PARD3: variants seen among roughly 807,000 people sequenced by gnomAD.
PARD3 encodes the protein par-3 family cell polarity regulator.
Under a neutral mutation model 155.4 loss-of-function variants are expected in PARD3, and 75 were observed. That is an observed-to-expected ratio of 0.48 (90% confidence interval 0.40 to 0.58). The LOEUF is 0.58. Ranked by LOEUF, PARD3 falls within the 20% of genes least tolerant of loss-of-function variation. The probability of loss-of-function intolerance (pLI) is 0.00; values close to 1 mark genes in which losing one functional copy is unlikely to be tolerated. For missense variants in PARD3, 1,642 were observed against 1,721.7 expected (o/e 0.95, Z 0.82); for synonymous variants, 576 against 610.5 (o/e 0.94, Z 0.83).
At chr10:34,671,276 T>G (rs547306061) in intron 2 of PARD3, among the ~76,000 whole-genome samples, 4 of 152,300 alleles carry the variant, frequency 2.6e-5, no homozygotes, top group African/African-American at 7.2e-5. Context: ...AAGAAACAGG[T>G]TTGAGTCAGG....
intron 1 of PARD3, among the ~76,000 whole-genome samples, chr10:34,714,775 A>ATTT (rs35679032): frequency 0.012 from 1,800 of 144,366 alleles, 18 homozygotes; most frequent in Middle Eastern, 0.036. Context: ...ACACATCAAA[A>ATTT]TTTTTTTTTT....
chr10:34,782,305 C>A (rs1412082017), intron 1 of PARD3, among the ~76,000 whole-genome samples: 1 of 152,136 alleles, frequency 6.6e-6, no homozygotes, highest in Non-Finnish European at 1.5e-5. Flanking sequence ...AGGCAGAATC[C>A]AGCCTCCTCC....
rs566366255 is a variant in PARD3 at position 34,450,255 on chromosome 10, T to A, written c.714+62A>T. 51 of 1,475,726 alleles carry A rather than the reference T, an allele frequency of 3.5e-5. No homozygotes were observed. In the Admixed American group the frequency reaches 8.0e-4, roughly 23 times the overall value. 91.4% of individuals were successfully genotyped at this position (1,475,726 alleles called of 1,614,324 possible). On this transcript the variant is annotated intron_variant, in intron 5 of 24. Coordinates refer to ENST00000374788, the MANE Select transcript of PARD3 (RefSeq NM_001184785.2). ...ACCAGTGATTGAGATGGGAGAAACA[T>A]CTTTGGGGTATGGGACAGGATGTTA...
intron 1 of PARD3, among the ~76,000 whole-genome samples, chr10:34,779,335 C>T (rs1319201227): frequency 3.3e-5 from 5 of 150,596 alleles, no homozygotes; most frequent in African/African-American, 4.9e-5. Flanking sequence ...AGCAGCCGGG[C>T]GCGGTGGCTC....
At chr10:34,333,623 C>A (rs1262735074) in intron 18 of PARD3, among the ~76,000 whole-genome samples, 15 of 151,968 alleles carry the variant, frequency 9.9e-5, no homozygotes, top group Admixed American at 9.2e-4. Context: ...AACTTCTGAA[C>A]CTGTAACACA....
intron 22 of PARD3, among the ~76,000 whole-genome samples, chr10:34,205,567 G>T (rs56714369): frequency 2.2e-4 from 33 of 152,266 alleles, no homozygotes; most frequent in Admixed American, 2.2e-3. Context: ...ATGGCAAGCA[G>T]AGGGACTTGA....
intron 2 of PARD3, among the ~76,000 whole-genome samples, chr10:34,691,194 CCA>C (rs1166434968): frequency 3.9e-5 from 6 of 152,274 alleles, no homozygotes; most frequent in East Asian, 1.9e-4. Flanking sequence ...CTAGAAAACC[CCA>C]CAGTCTCTGC....
Position 34,665,946 on chromosome 10 carries a change from G to A in PARD3, c.222+30372C>T, listed in dbSNP as rs772719070. ...GAAAAGATTAGATTCTAGGCCAGGC[G>A]TTCACACCTATAATTCTAGCACCAC... On this transcript the variant is annotated intron_variant, in intron 2 of 24. Coordinates refer to ENST00000374788, the MANE Select transcript of PARD3 (RefSeq NM_001184785.2). Among the ~76,000 whole-genome samples, 4 of 149,488 alleles carry A rather than the reference G, an allele frequency of 2.7e-5. No individual in the cohort carries two copies. The East Asian group carries it at 5.8e-4, about 22-fold the overall frequency.
At chr10:34,174,076 T>G (rs941460474) in intron 22 of PARD3, among the ~76,000 whole-genome samples, 1 of 152,194 alleles carries the variant, frequency 6.6e-6, no homozygotes, top group Non-Finnish European at 1.5e-5. Context: ...GACTGGTGGA[T>G]GGACCGTTAA....
intron 14 of PARD3, 38 bp from the exon 15 acceptor site, chr10:34,348,153 T>C (rs1589256673): frequency 6.4e-7 from 1 of 1,554,912 alleles, no homozygotes; most frequent in Non-Finnish European, 8.7e-7. Flanking sequence ...GAAAAATCAG[T>C]ACCTGGAGGC....
chr10:34,345,089 A>C, intron 15 of PARD3: 1 of 983,598 alleles, frequency 1.0e-6, no homozygotes, highest in Non-Finnish European at 1.2e-6. Flanking sequence ...GATACTAATA[A>C]AGAATGAAGA....
At chr10:34,797,337 G>C (rs1268490557) in intron 1 of PARD3, among the ~76,000 whole-genome samples, 1 of 152,170 alleles carries the variant, frequency 6.6e-6, no homozygotes, top group Non-Finnish European at 1.5e-5. Context: ...ATTCTTTGTA[G>C]AGACAGGGTC....
intron 5 of PARD3, among the ~76,000 whole-genome samples, chr10:34,427,034 C>A (rs2075646105): frequency 6.6e-6 from 1 of 152,174 alleles, no homozygotes; most frequent in Admixed American, 6.5e-5. Context: ...TCTCTTAATC[C>A]TGTCATCTTT....
intron 19 of PARD3, among the ~76,000 whole-genome samples, chr10:34,324,878 A>G (rs1268002453): frequency 6.6e-6 from 1 of 152,160 alleles, no homozygotes; most frequent in East Asian, 1.9e-4. Flanking sequence ...TTGTACTACT[A>G]TCACAGAAAT....
intron 2 of PARD3, among the ~76,000 whole-genome samples, chr10:34,603,640 T>C (rs1190359475): frequency 6.6e-6 from 1 of 152,126 alleles, no homozygotes; most frequent in Non-Finnish European, 1.5e-5. Flanking sequence ...CCATGATCTT[T>C]AGAACCAGAG....
chr10:34,784,042 T>C (rs1462846213), intron 1 of PARD3, among the ~76,000 whole-genome samples: 1 of 152,028 alleles, frequency 6.6e-6, no homozygotes, highest in East Asian at 1.9e-4. Context: ...ACCATGTCTC[T>C]ACAAAAAACT....
chr10:34,501,292 C>G (rs2080685073), intron 3 of PARD3, among the ~76,000 whole-genome samples: 1 of 152,104 alleles, frequency 6.6e-6, no homozygotes, highest in Non-Finnish European at 1.5e-5. Context: ...GATATCTGAT[C>G]ATTTAAAAGT....
chr10:34,301,477 C>A (rs1010412000), intron 20 of PARD3, among the ~76,000 whole-genome samples: 1 of 152,126 alleles, frequency 6.6e-6, no homozygotes, highest in South Asian at 2.1e-4. Context: ...CTGCCCTGAG[C>A]GCCAGTGATA....
chr10:34,695,455 G>C (rs1413189488), intron 2 of PARD3, among the ~76,000 whole-genome samples: 1 of 137,454 alleles, frequency 7.3e-6, no homozygotes, highest in African/African-American at 2.7e-5. Flanking sequence ...TCCAGTCTGG[G>C]CAACAGAGCA....
Sources: gnomAD v4.1 joint callset for allele counts (sites outside exome capture counted in the v4.1 genomes callset) on GRCh38, gnomAD v4.1.1 for gene constraint, MANE v1.5 for transcripts, NCBI Gene and HGNC (gene_info 2026-07-23, HGNC 2026-07-21) for gene names.